The following RBFOX1 variants were observed in gnomAD, a reference collection of about 807,000 sequenced individuals.
RBFOX1 encodes RNA binding protein fox-1 homolog 1.
Under a neutral mutation model 57.7 loss-of-function variants are expected in RBFOX1, and 8 were observed. The ratio of observed to expected loss-of-function variants is 0.14; its 90% CI spans 0.08 to 0.25. The LOEUF is 0.25. RBFOX1 is among the 10% of genes least tolerant of loss of function. The pLI, the probability that RBFOX1 is intolerant of heterozygous loss-of-function variation, is 1.00. For synonymous variants in RBFOX1, 326 were observed against 222.4 expected (o/e 1.47, Z -4.15); for missense variants, 611 against 548.5 (o/e 1.11, Z -1.14).
chr16:5,484,504 C>T (rs921067646), intron 2 of RBFOX1, among the ~76,000 whole-genome samples: 1 of 152,242 alleles, frequency 6.6e-6, no homozygotes, highest in Non-Finnish European at 1.5e-5. Flanking sequence ...TAAGGCTGGG[C>T]ACAGTGGCCC....
chr16:7,067,396 C>T (rs192539938), intron 4 of RBFOX1, among the ~76,000 whole-genome samples: 32 of 150,952 alleles, frequency 2.1e-4, no homozygotes, highest in Admixed American at 7.9e-4. Context: ...TGAAGTAAAA[C>T]TGAAATGTCG....
At chr16:6,062,959 A>C (rs1245086766) in intron 1 of RBFOX1, among the ~76,000 whole-genome samples, 3 of 152,172 alleles carry the variant, frequency 2.0e-5, no homozygotes, top group Non-Finnish European at 4.4e-5. Flanking sequence ...CCTTCTCCAG[A>C]AAACCCATCT....
chr16:6,116,863 C>T (rs2096501327), intron 1 of RBFOX1, among the ~76,000 whole-genome samples: 1 of 151,848 alleles, frequency 6.6e-6, no homozygotes, highest in African/African-American at 2.4e-5. Context: ...AGGCTGGTGG[C>T]TGTACAGTAA....
intron 3 of RBFOX1, among the ~76,000 whole-genome samples, chr16:6,756,805 C>G (rs1411182213): frequency 3.3e-5 from 5 of 152,132 alleles, no homozygotes; most frequent in East Asian, 1.9e-4. Context: ...AACTCCATCT[C>G]TACTAAAAAT....
At chr16:7,434,955 G>C (rs2098710642) in intron 4 of RBFOX1, among the ~76,000 whole-genome samples, 1 of 152,098 alleles carries the variant, frequency 6.6e-6, no homozygotes, top group Admixed American at 6.5e-5. Context: ...GGTGAGGCCG[G>C]TCTTGAACTG....
chr16:7,160,350 G>C (rs2078047688), intron 4 of RBFOX1, among the ~76,000 whole-genome samples: 1 of 152,130 alleles, frequency 6.6e-6, no homozygotes, highest in Admixed American at 6.6e-5. Context: ...CAATGAAAAA[G>C]TAAACGAATA....
chr16:7,235,642 A>T (rs1050732237), intron 4 of RBFOX1, among the ~76,000 whole-genome samples: 4 of 152,198 alleles, frequency 2.6e-5, no homozygotes, highest in African/African-American at 9.6e-5. Flanking sequence ...CTTTTGTGGG[A>T]TGAATATGAT....
intron 1 of RBFOX1, among the ~76,000 whole-genome samples, chr16:5,295,094 C>T (rs2063633714): frequency 6.7e-6 from 1 of 148,894 alleles, no homozygotes; most frequent in Non-Finnish European, 1.5e-5. Flanking sequence ...CAAGAAAGCT[C>T]ACGATGTCCT....
chr16:6,989,042 C>T (rs557205971), intron 3 of RBFOX1, among the ~76,000 whole-genome samples: 3 of 151,934 alleles, frequency 2.0e-5, no homozygotes, highest in Admixed American at 2.0e-4. Flanking sequence ...GGATTATAAG[C>T]GTGAGCCACC....
At chr16:5,712,469 C>T (rs377699093) in intron 3 of RBFOX1, among the ~76,000 whole-genome samples, 30 of 152,280 alleles carry the variant, frequency 2.0e-4, no homozygotes, top group East Asian at 5.8e-4. Context: ...TTGGCTTTCA[C>T]GCATGCTGAT....
At chr16:7,233,273 C>G (rs539145016) in intron 4 of RBFOX1, among the ~76,000 whole-genome samples, 10 of 150,570 alleles carry the variant, frequency 6.6e-5, no homozygotes, top group African/African-American at 2.4e-4. Context: ...TAAGCTGGCT[C>G]TATCCCAAGT....
At chr16:7,201,518 A>T (rs530061554) in intron 4 of RBFOX1, among the ~76,000 whole-genome samples, 280 of 151,444 alleles carry the variant, frequency 1.8e-3, no homozygotes, top group African/African-American at 6.6e-3. Context: ...CTGGAGTGCA[A>T]TGGCACAATC....
chr16:7,348,315 T>C (rs887038480), intron 4 of RBFOX1, among the ~76,000 whole-genome samples: 3 of 152,220 alleles, frequency 2.0e-5, no homozygotes, highest in Non-Finnish European at 4.4e-5. Flanking sequence ...TCTTATCTAC[T>C]CTCATCGTAT....
chr16:6,270,091 C>G (rs1038803789), intron 1 of RBFOX1, among the ~76,000 whole-genome samples: 5 of 151,804 alleles, frequency 3.3e-5, no homozygotes, highest in Admixed American at 1.3e-4. Flanking sequence ...GAGATTCACT[C>G]AAACAGACTA....
intron 4 of RBFOX1, among the ~76,000 whole-genome samples, chr16:7,209,528 C>A (rs1567715693): frequency 6.6e-6 from 1 of 152,144 alleles, no homozygotes; most frequent in Non-Finnish European, 1.5e-5. Flanking sequence ...TGGCTCTTGC[C>A]CTTCCTTCTG....
intron 4 of RBFOX1, among the ~76,000 whole-genome samples, chr16:5,912,695 G>T (rs1169743647): frequency 6.6e-6 from 1 of 152,118 alleles, no homozygotes; most frequent in Non-Finnish European, 1.5e-5. Context: ...ATTTAAGCAT[G>T]ACTCTTGGAG....
At chr16:7,578,654 G>A (rs566474631) in intron 5 of RBFOX1, among the ~76,000 whole-genome samples, 89 of 152,268 alleles carry the variant, frequency 5.8e-4, no homozygotes, top group African/African-American at 2.0e-3. Flanking sequence ...TTATAAACAG[G>A]TCAGGATGAT....
intron 2 of RBFOX1, among the ~76,000 whole-genome samples, chr16:6,363,587 G>A (rs914075736): frequency 1.3e-5 from 2 of 152,218 alleles, no homozygotes; most frequent in Non-Finnish European, 2.9e-5. Context: ...AAGAATGAGT[G>A]TCACATTTTT....
chr16:5,355,585 C>G (rs1445468999), intron 1 of RBFOX1, among the ~76,000 whole-genome samples: 1 of 152,096 alleles, frequency 6.6e-6, no homozygotes, highest in Non-Finnish European at 1.5e-5. Context: ...AGACTTCTTC[C>G]TTGATGTAAT....
Sources: allele counts gnomAD v4.1 joint callset (sites outside exome capture counted in the v4.1 genomes callset), GRCh38; gene constraint gnomAD v4.1.1; transcripts MANE v1.5; gene names NCBI Gene and HGNC (gene_info 2026-07-23, HGNC 2026-07-21).